BRIP1: variants seen among roughly 807,000 people sequenced by gnomAD.
The protein encoded by BRIP1 is BRCA1 interacting DNA helicase 1.
BRIP1 carries 88 observed loss-of-function variants against 119.7 expected under a neutral mutation model. That is an observed-to-expected ratio of 0.74 (90% CI 0.62 to 0.88). The LOEUF (loss-of-function observed/expected upper bound fraction) is 0.88, where lower values mean the gene tolerates loss of function less well. Ranked by LOEUF, BRIP1 falls within the 40% of genes least tolerant of loss-of-function variation. The probability of loss-of-function intolerance (pLI) is 0.00; values close to 1 mark genes in which losing one functional copy is unlikely to be tolerated. For synonymous variants in BRIP1, 443 were observed against 496.5 expected (o/e 0.89, Z 1.43); for missense variants, 1,259 against 1,455.4 (o/e 0.87, Z 2.20).
At position 61,796,614 on chromosome 17, in the gene BRIP1, G is replaced by T. The variant is rs2077903983; in HGVS notation, c.1340+2486C>A. Reference sequence around the variant, plus strand: ...TCTCTATTCTGTTCCATTGATCTGTGTGTCTGTTTTTATGCCAGTACTGTG... The same window carrying T: ...TCTCTATTCTGTTCCATTGATCTGTTTGTCTGTTTTTATGCCAGTACTGTG... On this transcript the variant is annotated intron_variant, in intron 9 of 19. Transcript: ENST00000259008. The surrounding 1 kb of genome is among the most constrained non-coding windows in gnomAD (Gnocchi z 4.8). Among the ~76,000 whole-genome samples, 2 of 152,060 alleles carry T rather than the reference G, an allele frequency of 1.3e-5. No individual in the cohort carries two copies. The highest frequency in any genetic ancestry group is 4.1e-4 in the South Asian group (2 of 4,822).
intron 17 of BRIP1, 128 bp downstream of exon 17, chr17:61,715,823 T>C: frequency 2.1e-5 from 12 of 584,502 alleles, no homozygotes; most frequent in Non-Finnish European, 2.9e-5. Flanking sequence ...ATTGAATACA[T>C]ACCAGTTCCT....
chr17:61,796,895 T>C lies in BRIP1; in HGVS notation c.1340+2205A>G, dbSNP rs2077908256. Reference sequence around the variant, plus strand: ...GGTGGCATCTATAAGACTTACTCATTAATTGGATGAGGTGAGGCAGTAAGG... The same window carrying C: ...GGTGGCATCTATAAGACTTACTCATCAATTGGATGAGGTGAGGCAGTAAGG... On this transcript the variant is annotated intron_variant, in intron 9 of 19. Coordinates refer to ENST00000259008, the MANE Select transcript of BRIP1 (RefSeq NM_032043.3). The surrounding 1 kb of genome is among the most constrained non-coding windows in gnomAD (Gnocchi z 4.8). Among the ~76,000 whole-genome samples the C allele has an allele frequency of 6.6e-6, 1 of 151,960 alleles. No individual in the cohort carries two copies. The highest frequency in any genetic ancestry group is 2.1e-4 in the South Asian group (1 of 4,824).
rs949445804 is a variant in BRIP1, at chr17:61,860,533, C to T, written c.94-626G>A. On this transcript the variant is annotated intron_variant, in intron 2 of 19. Coordinates refer to ENST00000259008, the MANE Select transcript of BRIP1 (RefSeq NM_032043.3). This position sits in a 1 kb window ranked among gnomAD's most constrained non-coding sequence, Gnocchi z 4.1. ...AAATTAGCTGGGCGTGGTGGCGCATCCCTGTAATCCCAGCTACTGGGGAGG... is the reference window on the plus strand; with the variant it reads ...AAATTAGCTGGGCGTGGTGGCGCATTCCTGTAATCCCAGCTACTGGGGAGG... Among the ~76,000 whole-genome samples, 1 of 152,050 alleles carries T rather than the reference C, an allele frequency of 6.6e-6. No homozygotes were observed. Among genetic ancestry groups the T allele is most frequent in the Non-Finnish European group, 1.5e-5 (1 of 67,978 alleles).
chr17:61,832,581 T>G lies in BRIP1; in HGVS notation c.627+14520A>C, dbSNP rs1236185646. ...ACATTCCTGCCAAAGATAAATAACC[T>G]CAGTCTAATGAGAAAACCCAAATTA... On this transcript the variant is annotated intron_variant, in intron 6 of 19. Transcript: ENST00000259008. This position sits in a 1 kb window ranked among gnomAD's most constrained non-coding sequence, Gnocchi z 5.5. Among the ~76,000 whole-genome samples, 1 of 152,128 alleles carries G rather than the reference T, an allele frequency of 6.6e-6. No homozygotes were observed. Among genetic ancestry groups the G allele is most frequent in the Non-Finnish European group, 1.5e-5 (1 of 68,024 alleles).
chr17:61,784,508 C>A, intron 10 of BRIP1, 84 bp from the exon 11 acceptor site: 1 of 1,247,410 alleles, frequency 8.0e-7, no homozygotes, highest in East Asian at 2.3e-5. Context: ...TGAAACCCAA[C>A]AAAACATGCA....
At chr17:61,718,399 C>G (rs1048678446) in intron 16 of BRIP1, among the ~76,000 whole-genome samples, 1 of 152,196 alleles carries the variant, frequency 6.6e-6, no homozygotes, top group Non-Finnish European at 1.5e-5. Flanking sequence ...TGAAGTTTTT[C>G]TCTTCTGGCT....
chr17:61,765,394 T>C (rs2077344608), intron 14 of BRIP1, among the ~76,000 whole-genome samples: 1 of 15,886 alleles, frequency 6.3e-5, no homozygotes, highest in African/African-American at 2.2e-4. Context: ...TATATATATA[T>C]ATATATATAT....
At position 61,706,548 on chromosome 17, in the gene BRIP1, G is replaced by A. The variant is rs1260214032; in HGVS notation, c.2492+9403C>T. The stretch of plus-strand genomic sequence containing the variant: ...AGAAACAATTACTTTCAATATTTTA[G>A]GTAGATCTTCTGGTTATTTATCTCC... On this transcript the variant is annotated intron_variant, in intron 17 of 19. Coordinates refer to ENST00000259008, the MANE Select transcript of BRIP1 (RefSeq NM_032043.3). The surrounding 1 kb of genome is among the most constrained non-coding windows in gnomAD (Gnocchi z 5.7). 6.6e-6 allele frequency among the ~76,000 whole-genome samples: 1 copy of A among 151,920 alleles called. No homozygotes were observed. Among genetic ancestry groups the A allele is most frequent in the Non-Finnish European group, 1.5e-5 (1 of 67,970 alleles).
chr17:61,833,132 T>C (rs1417141434), intron 6 of BRIP1, among the ~76,000 whole-genome samples: 1 of 152,210 alleles, frequency 6.6e-6, no homozygotes, highest in South Asian at 2.1e-4. Context: ...GAAAACGTTC[T>C]ACATGACAAT....
chr17:61,689,542 C>T lies in BRIP1; in HGVS notation c.2576-3377G>A, dbSNP rs76299723. Among the ~76,000 whole-genome samples the T allele has an allele frequency of 0.026, 3,966 of 151,984 alleles. 163 individuals are homozygous for T. Among genetic ancestry groups the T allele is most frequent in the African/African-American group, 0.09 (3,724 of 41,414 alleles). On this transcript the variant is annotated intron_variant, in intron 18 of 19. Transcript: ENST00000259008. The surrounding 1 kb of genome is among the most constrained non-coding windows in gnomAD (Gnocchi z 4.5). ...AATAATGACCGAAAACTTAATAAAC[C>T]TGGGGGGAGGAAAATGACATCCAAA... is the stretch of plus-strand genomic sequence containing the variant.
Position 61,751,008 on chromosome 17 carries a change from C to T in BRIP1, c.2098-6417G>A, listed in dbSNP as rs1187314137. ...ATATAACCCCAAATATCTGAAAGTA[C>T]TAGGATCCAAACAAACAGCTGTATG... On this transcript the variant is annotated intron_variant, in intron 14 of 19. Transcript: ENST00000259008. The surrounding 1 kb of genome is among the most constrained non-coding windows in gnomAD (Gnocchi z 6.7). 2.6e-5 allele frequency among the ~76,000 whole-genome samples: 4 copies of T among 152,118 alleles called. No individual in the cohort carries two copies. In the East Asian group the frequency reaches 7.7e-4, roughly 29 times the overall value.
chr17:61,683,469 T>C lies in BRIP1; in HGVS notation c.3577A>G (p.Thr1193Ala). The change falls in exon 20 of 20, where the codon ACA becomes GCA. Residue 1193 changes from threonine to alanine, a missense_variant. This residue lies in a region of BRIP1 where 753 missense variants were observed against 891.8 expected (regional missense o/e 0.84). Coordinates refer to ENST00000259008, the MANE Select transcript of BRIP1 (RefSeq NM_032043.3). This position sits in a 1 kb window ranked among gnomAD's most constrained non-coding sequence, Gnocchi z 4.7. ...ATATGCAGAATTCCATTCAACTTTGTATCTATGCAATCCTCAGCTTTCACT... is the reference window on the plus strand; with the variant it reads ...ATATGCAGAATTCCATTCAACTTTGCATCTATGCAATCCTCAGCTTTCACT... ...REVKAEDCIDTKLNGILHIEE... is the reference protein window; with the variant it reads ...REVKAEDCIDAKLNGILHIEE... 1.2e-6 allele frequency: 2 copies of C among 1,613,510 alleles called. No homozygotes were observed. Among genetic ancestry groups the C allele is most frequent in the Non-Finnish European group, 1.7e-6 (2 of 1,179,644 alleles).
intron 18 of BRIP1, among the ~76,000 whole-genome samples, chr17:61,692,145 C>T (rs1047160254): frequency 2.6e-5 from 4 of 152,184 alleles, no homozygotes; most frequent in African/African-American, 9.7e-5. Context: ...TTTCTGAGGT[C>T]CTCATTAGAA....
In BRIP1 at chr17:61,793,846, G is replaced by A. The variant is rs2077860109; in HGVS notation, c.1341-117C>T. On this transcript the variant is annotated intron_variant, in intron 9 of 19. Coordinates refer to ENST00000259008, the MANE Select transcript of BRIP1 (RefSeq NM_032043.3). The surrounding 1 kb of genome is among the most constrained non-coding windows in gnomAD (Gnocchi z 5.2). ...TGATCTGTATATCTTGACATTCTTAGGACATGAATGTGGATTAATTAAGAC... is the reference window on the plus strand; with the variant it reads ...TGATCTGTATATCTTGACATTCTTAAGACATGAATGTGGATTAATTAAGAC... The A allele has an allele frequency of 9.7e-7, 1 of 1,036,232 alleles. No homozygotes were observed. The highest frequency in any genetic ancestry group is 3.1e-5 in the Admixed American group (1 of 32,586). The allele number at this position is 1,036,232 out of a possible 1,614,324, so 64.2% of individuals were successfully genotyped here. A position where few individuals can be genotyped will look rare whatever the true frequency, so the allele number is the denominator to read the frequency against.
In BRIP1 at chr17:61,709,464, C is replaced by T. The variant is rs1160201198; in HGVS notation, c.2492+6487G>A. Among the ~76,000 whole-genome samples the T allele has an allele frequency of 6.6e-6, 1 of 151,976 alleles. No homozygotes were observed. Among genetic ancestry groups the T allele is most frequent in the Non-Finnish European group, 1.5e-5 (1 of 68,008 alleles). ...ATATTATTTTAAAGTAACCTATAGG[C>T]TCCAAGGCAACAGACCATAACACTG... On this transcript the variant is annotated intron_variant, in intron 17 of 19. Transcript: ENST00000259008. This position sits in a 1 kb window ranked among gnomAD's most constrained non-coding sequence, Gnocchi z 5.0.
Position 61,743,266 on chromosome 17 carries a change from G to A in BRIP1, c.2258-132C>T. On this transcript the variant is annotated intron_variant, in intron 15 of 19. Transcript: ENST00000259008. This position sits in a 1 kb window ranked among gnomAD's most constrained non-coding sequence, Gnocchi z 4.3. ...AATAATCAAAATAAAACACTATTAT[G>A]AGATAAAGTTTTAAAAGTTCAATGT... 1.7e-6 allele frequency: 2 copies of A among 1,187,922 alleles called. No individual in the cohort carries two copies. The highest frequency in any genetic ancestry group is 2.4e-6 in the Non-Finnish European group (2 of 835,206). The allele number at this position is 1,187,922 out of a possible 1,614,324, so 73.6% of individuals were successfully genotyped here.
At position 61,684,116 on chromosome 17, in the gene BRIP1, G is replaced by A. The variant is rs770352467; in HGVS notation, c.2930C>T (p.Ala977Val). The A allele has an allele frequency of 2.5e-6, 4 of 1,613,546 alleles. No homozygotes were observed. In the South Asian group the frequency reaches 3.3e-5, roughly 13 times the overall value. Residue 977 changes from alanine to valine, a missense_variant, in exon 20 of 20, where the codon GCA becomes GTA. By Grantham distance (64) the Ala-to-Val change is moderately conservative. Transcript: ENST00000259008. The surrounding 1 kb of genome is among the most constrained non-coding windows in gnomAD (Gnocchi z 4.5). ...AATCACAATTTTTTCTGCTTTCCCT[G>A]CTTCTTCCAGGAATACTGGATCATC... ...EKNDPVFLEE[A>V]GKAEKIVISR...
chr17:61,702,132 T>C lies in BRIP1; in HGVS notation c.2493-8620A>G, dbSNP rs535567296. Reference sequence around the variant, plus strand: ...TAACTTATTTTTGCCTATTTTCTCATTGCTTTTAGAAATTTCAGAGGTCTT... The same window carrying C: ...TAACTTATTTTTGCCTATTTTCTCACTGCTTTTAGAAATTTCAGAGGTCTT... On this transcript the variant is annotated intron_variant, in intron 17 of 19. Transcript: ENST00000259008. Among the ~76,000 whole-genome samples, 6 of 152,340 alleles carry C rather than the reference T, an allele frequency of 3.9e-5. No homozygotes were observed. In the East Asian group the frequency reaches 9.6e-4, roughly 24 times the overall value.
Position 61,842,586 on chromosome 17 carries a change from C to T in BRIP1, c.627+4515G>A, listed in dbSNP as rs2078673126. Among the ~76,000 whole-genome samples, 1 of 151,832 alleles carries T rather than the reference C, an allele frequency of 6.6e-6. No individual in the cohort carries two copies. Among genetic ancestry groups the T allele is most frequent in the African/African-American group, 2.4e-5 (1 of 41,338 alleles). ...AGTATGTATAATTATTATGTGTCAA[C>T]AAAAATAAACAAAAAATAAAGATCA... On this transcript the variant is annotated intron_variant, in intron 6 of 19. Coordinates refer to ENST00000259008, the MANE Select transcript of BRIP1 (RefSeq NM_032043.3). The surrounding 1 kb of genome is among the most constrained non-coding windows in gnomAD (Gnocchi z 5.1).
Sources: allele counts gnomAD v4.1 joint callset (sites outside exome capture counted in the v4.1 genomes callset), GRCh38; gene constraint gnomAD v4.1.1; regional missense constraint gnomAD v4.1.1; non-coding constraint Gnocchi (gnomAD v3.1); transcripts MANE v1.5; gene names NCBI Gene and HGNC (gene_info 2026-07-23, HGNC 2026-07-21).